FARS2: variants seen among roughly 807,000 people sequenced by gnomAD.
The protein encoded by FARS2 is phenylalanine--tRNA ligase, mitochondrial.
A neutral mutation model predicts 46.4 loss-of-function variants in FARS2; 40 were observed. The observed-to-expected ratio is 0.86, with a 90% confidence interval of 0.67 to 1.12. The LOEUF is 1.12. Among genes scored for constraint, FARS2 ranks in the 50% most tolerant of loss-of-function variants. The pLI, the probability that FARS2 is intolerant of heterozygous loss-of-function variation, is 0.00. For synonymous variants in FARS2, 234 were observed against 214.9 expected, an observed-to-expected ratio of 1.09 and a Z score of -0.78; for missense variants, 513 against 567.9, an observed-to-expected ratio of 0.90 and a Z score of 0.98.
At chr6:5,265,321 T>C (rs111848623) in intron 1 of FARS2, among the ~76,000 whole-genome samples, 52 of 152,294 alleles carry the variant, frequency 3.4e-4, no homozygotes, top group African/African-American at 1.2e-3. Flanking sequence ...TTTAGAGAAC[T>C]CTTAAGTGTT....
chr6:5,704,012 A>G (rs1462818088), intron 6 of FARS2, among the ~76,000 whole-genome samples: 1 of 152,092 alleles, frequency 6.6e-6, no homozygotes, highest in Non-Finnish European at 1.5e-5. Flanking sequence ...AGTGAGCTTT[A>G]GAAACATAAT....
intron 1 of FARS2, among the ~76,000 whole-genome samples, chr6:5,312,075 A>G (rs1324548041): frequency 1.3e-5 from 2 of 152,320 alleles, no homozygotes; most frequent in South Asian, 4.1e-4. Flanking sequence ...AACTTTTTAC[A>G]TGTGTAGAAT....
chr6:5,340,462 G>T (rs1025026378), intron 1 of FARS2, among the ~76,000 whole-genome samples: 3 of 152,150 alleles, frequency 2.0e-5, no homozygotes, highest in African/African-American at 7.2e-5. Flanking sequence ...GAATACTTTT[G>T]TAAGAATAAT....
chr6:5,477,395 C>G (rs1561648283), intron 4 of FARS2, among the ~76,000 whole-genome samples: 2 of 152,146 alleles, frequency 1.3e-5, no homozygotes, highest in African/African-American at 2.4e-5. Context: ...CCTGAAATAC[C>G]ACTTTTATTT....
intron 1 of FARS2, among the ~76,000 whole-genome samples, chr6:5,351,447 A>G (rs1473394431): frequency 6.6e-6 from 1 of 152,214 alleles, no homozygotes; most frequent in African/African-American, 2.4e-5. Flanking sequence ...AGCCCAGGAA[A>G]ATCAGTCTCC....
At chr6:5,433,265 T>G (rs1170702243) in intron 4 of FARS2, among the ~76,000 whole-genome samples, 1 of 152,196 alleles carries the variant, frequency 6.6e-6, no homozygotes, top group Non-Finnish European at 1.5e-5. Flanking sequence ...AGTTCCATTA[T>G]GGGGATAGAT....
At chr6:5,412,265 G>A (rs1401440622) in intron 3 of FARS2, among the ~76,000 whole-genome samples, 2 of 152,182 alleles carry the variant, frequency 1.3e-5, no homozygotes, top group African/African-American at 4.8e-5. Context: ...CCCTTCCTGG[G>A]GCAGCCCACA....
rs369469556 is a variant in FARS2 at position 5,292,587 on chromosome 6, C to G, written c.-22+30927C>G. 1.1e-4 allele frequency among the ~76,000 whole-genome samples: 16 copies of G among 152,250 alleles called. No individual in the cohort carries two copies. In the South Asian group the frequency reaches 1.5e-3, roughly 14 times the overall value. On this transcript the variant is annotated intron_variant, in intron 1 of 6. Coordinates refer to ENST00000274680, the MANE Select transcript of FARS2 (RefSeq NM_006567.5). ...TTGGGTACTCAGGTGGTGGTTGATA[C>G]CATTCACCCAGGTAGTAAATGCAGA...
At chr6:5,503,103 A>G (rs1582289732) in intron 4 of FARS2, among the ~76,000 whole-genome samples, 1 of 152,164 alleles carries the variant, frequency 6.6e-6, no homozygotes, top group East Asian at 1.9e-4. Flanking sequence ...CAACATCCTC[A>G]CTAAATTAAG....
intron 6 of FARS2, among the ~76,000 whole-genome samples, chr6:5,730,534 A>G (rs1028391014): frequency 5.3e-5 from 8 of 152,020 alleles, no homozygotes; most frequent in Admixed American, 5.2e-4. Context: ...TTTTTTTACA[A>G]CTAGAACTGT....
chr6:5,478,065 G>A (rs116033830), intron 4 of FARS2, among the ~76,000 whole-genome samples: 2,322 of 128,438 alleles, frequency 0.018, 58 homozygotes, highest in African/African-American at 0.067. Flanking sequence ...ACAATGACCC[G>A]CCCCCACCAA....
At chr6:5,418,209 T>C (rs1444029642) in intron 3 of FARS2, among the ~76,000 whole-genome samples, 1 of 152,232 alleles carries the variant, frequency 6.6e-6, no homozygotes, top group Admixed American at 6.5e-5. Flanking sequence ...GATTCTTCTG[T>C]ACTTTGTATT....
At chr6:5,549,396 G>T (rs9328312) in intron 5 of FARS2, among the ~76,000 whole-genome samples, 104,397 of 151,928 alleles carry the variant, frequency 0.69, 36,680 homozygotes, top group Middle Eastern at 0.86. Context: ...GTGTTCTCAT[G>T]GTTCAGTTCC....
rs1160052211 is a variant in FARS2 at position 5,471,692 on chromosome 6, T to G, written c.904+40520T>G. ...TGCCTAGTGTAGGCAGATCATATTC[T>G]GTATGATCTTGTTGGCTCATATTAT... is the stretch of plus-strand genomic sequence containing the variant. On this transcript the variant is annotated intron_variant, in intron 4 of 6. Coordinates refer to ENST00000274680, the MANE Select transcript of FARS2 (RefSeq NM_006567.5). The surrounding 1 kb of genome is among the most constrained non-coding windows in gnomAD (Gnocchi z 4.1). 6.6e-6 allele frequency among the ~76,000 whole-genome samples: 1 copy of G among 152,226 alleles called. No homozygotes were observed. Among genetic ancestry groups the G allele is most frequent in the Non-Finnish European group, 1.5e-5 (1 of 68,048 alleles).
chr6:5,587,335 TAAC>T (rs1056918437), intron 5 of FARS2, among the ~76,000 whole-genome samples: 2 of 152,228 alleles, frequency 1.3e-5, no homozygotes, highest in African/African-American at 4.8e-5. Flanking sequence ...AATAGAATCA[TAAC>T]AACAGGATTT....
rs1582005027 is a variant in FARS2 at position 5,404,587 on chromosome 6, C to A, written c.658C>A (p.Gln220Lys). The A allele has an allele frequency of 6.2e-7, 1 of 1,609,420 alleles. No homozygotes were observed. The highest frequency in any genetic ancestry group is 2.2e-5 in the East Asian group (1 of 44,814). ...KDGESLQLFE[Q>K]SSRSAHKQET... The stretch of plus-strand genomic sequence containing the variant: ...TGGAGAAAGCCTGCAGCTCTTTGAA[C>A]AAAGTTCTCGCTCTGCGCATAAACA... The change falls in exon 3 of 7, where the codon CAA (glutamine) becomes AAA (lysine). Residue 220 changes from glutamine (Q) to lysine (K), a missense_variant. Coordinates refer to ENST00000274680, the MANE Select transcript of FARS2 (RefSeq NM_006567.5).
At chr6:5,537,025 T>C (rs1770245762) in intron 4 of FARS2, among the ~76,000 whole-genome samples, 1 of 152,206 alleles carries the variant, frequency 6.6e-6, no homozygotes, top group Admixed American at 6.5e-5. Flanking sequence ...GAAAGTATAA[T>C]GGTATAAAGG....
chr6:5,341,337 C>A (rs183095121), intron 1 of FARS2, among the ~76,000 whole-genome samples: 2 of 142,882 alleles, frequency 1.4e-5, no homozygotes, highest in East Asian at 2.0e-4. Flanking sequence ...CAGCTCCCCC[C>A]TCCCTCATCA....
At chr6:5,415,376 G>A (rs1762179200) in intron 3 of FARS2, among the ~76,000 whole-genome samples, 1 of 128,162 alleles carries the variant, frequency 7.8e-6, no homozygotes, top group Non-Finnish European at 1.6e-5. Context: ...GTGCAGTGGT[G>A]TGATCTCAGC....
Sources: gnomAD v4.1 joint callset for allele counts (sites outside exome capture counted in the v4.1 genomes callset) on GRCh38, gnomAD v4.1.1 for gene constraint, Gnocchi (gnomAD v3.1) non-coding constraint, MANE v1.5 for transcripts, NCBI Gene and HGNC (gene_info 2026-07-23, HGNC 2026-07-21) for gene names.